DMD: variants seen among roughly 807,000 people sequenced by gnomAD.
DMD encodes dystrophin, also known as mutant dystrophin.
Under a neutral mutation model 330.1 loss-of-function variants are expected in DMD, and 63 were observed. The ratio of observed to expected loss-of-function variants is 0.19; its 90% CI spans 0.16 to 0.24. The LOEUF (loss-of-function observed/expected upper bound fraction) is 0.24. Ranked by LOEUF, DMD falls within the 10% of genes least tolerant of loss-of-function variation. The pLI, the probability that DMD is intolerant of heterozygous loss-of-function variation, is 1.00. For synonymous variants in DMD, 1,223 were observed against 959.8 expected (o/e 1.27, Z -5.07); for missense variants, 3,344 against 2,684.1 (o/e 1.25, Z -5.43).
At chrX:32,983,688 G>A (rs772282716) in intron 2 of DMD, among the ~76,000 whole-genome samples, 2 of 110,805 alleles carry the variant, frequency 1.8e-5, no homozygotes, top group East Asian at 5.7e-4. Flanking sequence ...GGAAAAAATG[G>A]TAAAGTGTAC....
At chrX:31,252,945 C>T (rs973081479) in intron 63 of DMD, among the ~76,000 whole-genome samples, 1 of 110,450 alleles carries the variant, frequency 9.1e-6, no homozygotes, top group Non-Finnish European at 1.9e-5. Flanking sequence ...GAGATGAGAT[C>T]GTGCAACTGC....
intron 13 of DMD, among the ~76,000 whole-genome samples, chrX:32,579,690 C>T (rs1354190897): frequency 1.8e-5 from 2 of 112,858 alleles, no homozygotes; most frequent in Admixed American, 9.3e-5. Context: ...GATTCAAAAA[C>T]ATTTGACACT....
At chrX:31,378,424 TC>T (rs752177081) in intron 60 of DMD, among the ~76,000 whole-genome samples, 1 of 111,583 alleles carries the variant, frequency 9.0e-6, no homozygotes, top group African/African-American at 3.3e-5. Context: ...TCTCTTAACT[TC>T]AGTTCCTTTC....
chrX:32,063,134 T>C (rs186695510), intron 44 of DMD, among the ~76,000 whole-genome samples: 1 of 110,039 alleles, frequency 9.1e-6, no homozygotes, highest in African/African-American at 3.3e-5. Flanking sequence ...ACACATGTTA[T>C]ACTTTTCCAT....
chrX:31,632,235 G>A (rs1427525534), intron 54 of DMD, among the ~76,000 whole-genome samples: 1 of 111,354 alleles, frequency 9.0e-6, no homozygotes, highest in Non-Finnish European at 1.9e-5. Context: ...AAAAAGGAAG[G>A]GAAACTTGTT....
At chrX:33,078,539 T>C (rs912370259) in intron 1 of DMD, among the ~76,000 whole-genome samples, 7 of 112,142 alleles carry the variant, frequency 6.2e-5, no homozygotes, top group Non-Finnish European at 1.3e-4. Context: ...AGAAATAAGT[T>C]ATGTTGACTC....
intron 1 of DMD, among the ~76,000 whole-genome samples, chrX:33,195,728 T>A (rs997141670): frequency 2.4e-5 from 1 of 41,798 alleles, no homozygotes; most frequent in Non-Finnish European, 5.2e-5. Context: ...CATCCTGTTC[T>A]ATTTTGTGTG....
rs184730355 is a variant in DMD, at chrX:33,179,419, T to C, written c.31+31863A>G. 1.1e-4 allele frequency among the ~76,000 whole-genome samples: 12 copies of C among 111,039 alleles called. No individual in the cohort carries two copies. The East Asian group carries it at 3.1e-3, about 29-fold the overall frequency. On this transcript the variant is annotated intron_variant, in intron 1 of 78. Transcript: ENST00000357033. ...TAATTTAGAAATTGAATGGGCCGGG[T>C]GCGATGGCTCACCACTGTAATCTCA...
chrX:32,083,211 A>T (rs760048059), intron 44 of DMD, among the ~76,000 whole-genome samples: 1 of 111,739 alleles, frequency 8.9e-6, no homozygotes, highest in South Asian at 3.8e-4. Flanking sequence ...CCAACTAGCA[A>T]CCCGTGAACT....
intron 9 of DMD, among the ~76,000 whole-genome samples, chrX:32,645,552 A>C (rs2059728698): frequency 8.9e-6 from 1 of 112,025 alleles, no homozygotes; most frequent in African/African-American, 3.3e-5. Flanking sequence ...TAAAGGAAAT[A>C]TCTCTTCCTG....
At chrX:33,186,566 A>T (rs2050273567) in intron 1 of DMD, among the ~76,000 whole-genome samples, 1 of 111,654 alleles carries the variant, frequency 9.0e-6, no homozygotes. Context: ...TAAATGAAAG[A>T]TTTAAAAGTA....
chrX:32,736,273 C>A (rs1458581044), intron 7 of DMD, among the ~76,000 whole-genome samples: 1 of 111,320 alleles, frequency 9.0e-6, no homozygotes, highest in Non-Finnish European at 1.9e-5. Context: ...ACAACAGGTG[C>A]TGGAGAGGAT....
chrX:33,308,284 A>C (rs929499043), intron 1 of DMD, among the ~76,000 whole-genome samples: 1 of 112,051 alleles, frequency 8.9e-6, no homozygotes, highest in African/African-American at 3.2e-5. Flanking sequence ...CTCCTACCCC[A>C]GTCTTTGCCC....
At chrX:32,758,800 C>A (rs771146395) in intron 7 of DMD, among the ~76,000 whole-genome samples, 4 of 111,567 alleles carry the variant, frequency 3.6e-5, no homozygotes, top group Non-Finnish European at 5.6e-5. Flanking sequence ...AGCAAAACGA[C>A]CACAAATAGG....
intron 9 of DMD, among the ~76,000 whole-genome samples, chrX:32,668,692 G>A (rs1316461405): frequency 9.1e-6 from 1 of 110,415 alleles, no homozygotes; most frequent in African/African-American, 3.3e-5. Context: ...CTGTTCCAGT[G>A]ATGTCATGGT....
At chrX:32,990,779 C>G (rs2092953051) in intron 2 of DMD, among the ~76,000 whole-genome samples, 1 of 111,229 alleles carries the variant, frequency 9.0e-6, no homozygotes, top group African/African-American at 3.3e-5. Flanking sequence ...CTAGTGCTGC[C>G]CCAGTTTGAA....
intron 55 of DMD, among the ~76,000 whole-genome samples, chrX:31,612,479 A>C (rs780833444): frequency 8.9e-6 from 1 of 111,892 alleles, no homozygotes; most frequent in Non-Finnish European, 1.9e-5. Flanking sequence ...AGTGATGTGA[A>C]ATGCATTTTC....
intron 44 of DMD, among the ~76,000 whole-genome samples, chrX:32,187,553 T>A (rs959581054): frequency 9.0e-6 from 1 of 111,643 alleles, no homozygotes; most frequent in Non-Finnish European, 1.9e-5. Context: ...AGAACACTGT[T>A]CTCAGAAGGG....
intron 2 of DMD, among the ~76,000 whole-genome samples, chrX:32,893,293 C>T (rs1241423687): frequency 8.9e-6 from 1 of 111,850 alleles, no homozygotes; most frequent in African/African-American, 3.2e-5. Context: ...CTGAATTTAT[C>T]TCTGTTCAAT....
Sources: allele counts gnomAD v4.1 joint callset (sites outside exome capture counted in the v4.1 genomes callset), GRCh38; gene constraint gnomAD v4.1.1; transcripts MANE v1.5; gene names NCBI Gene and HGNC (gene_info 2026-07-23, HGNC 2026-07-21).